Variants in OR9Q1 observed in about 807,000 individuals in gnomAD.
OR9Q1 encodes olfactory receptor family 9 subfamily Q member 1, also known as olfactory receptor 9Q1.
For synonymous variants in OR9Q1, 153 were observed against 148.6 expected, an observed-to-expected ratio of 1.03 and a Z score of -0.22; for missense variants, 374 against 378.8, an observed-to-expected ratio of 0.99 and a Z score of 0.11.
At chr11:58,106,376 G>A (rs971951654) in intron 2 of OR9Q1, among the ~76,000 whole-genome samples, 1 of 151,840 alleles carries the variant, frequency 6.6e-6, no homozygotes, top group African/African-American at 2.4e-5. Context: ...GCCGGAGTTC[G>A]ATATATATTT....
At chr11:58,167,765 G>A (rs1254764595) in intron 2 of OR9Q1, among the ~76,000 whole-genome samples, 2 of 152,116 alleles carry the variant, frequency 1.3e-5, no homozygotes, top group African/African-American at 2.4e-5. Context: ...ATCCTCCAAC[G>A]GGCTAGCCCA....
chr11:58,083,271 T>C (rs1027537482), intron 2 of OR9Q1, among the ~76,000 whole-genome samples: 5 of 152,054 alleles, frequency 3.3e-5, no homozygotes, highest in Admixed American at 2.0e-4. Context: ...TAGGGAATCC[T>C]TTCCCCATTG....
intron 1 of OR9Q1, chr11:58,030,900 T>G: frequency 1.4e-5 from 16 of 1,119,800 alleles, no homozygotes; most frequent in Non-Finnish European, 1.7e-5. Context: ...AGGTTCTCTT[T>G]GAGCTCTCAT....
In OR9Q1 at chr11:58,024,597, C is replaced by G. The variant is rs188821303; in HGVS notation, c.-93+493C>G. ...AGGGAAAATCTTGGCCAGGGAGCACCGTCTTTTGAGGACACCAAATTGGGC... is the reference window on the plus strand; with the variant it reads ...AGGGAAAATCTTGGCCAGGGAGCACGGTCTTTTGAGGACACCAAATTGGGC... On this transcript the variant is annotated intron_variant, in intron 1 of 2. Transcript: ENST00000335397. 2.6e-5 allele frequency among the ~76,000 whole-genome samples: 4 copies of G among 152,286 alleles called. No homozygotes were observed. The East Asian group carries it at 7.7e-4, about 29-fold the overall frequency.
chr11:58,069,470 C>T (rs28650443), intron 2 of OR9Q1, among the ~76,000 whole-genome samples: 19,285 of 152,076 alleles, frequency 0.13, 1,476 homozygotes, highest in South Asian at 0.19. Flanking sequence ...GGTTCCTTGC[C>T]CTGAGTACAA....
intron 2 of OR9Q1, among the ~76,000 whole-genome samples, chr11:58,087,753 C>A (rs1410413129): frequency 6.6e-6 from 1 of 150,420 alleles, no homozygotes; most frequent in Admixed American, 6.6e-5. Flanking sequence ...GTGTGAGGTT[C>A]CCCTCCCTGT....
chr11:58,127,817 A>C (rs1020688089), intron 2 of OR9Q1, among the ~76,000 whole-genome samples: 4 of 152,194 alleles, frequency 2.6e-5, no homozygotes, highest in African/African-American at 9.6e-5. Context: ...GAGAGGAAGA[A>C]AGGAAGACTG....
intron 2 of OR9Q1, among the ~76,000 whole-genome samples, chr11:58,123,483 C>T (rs1361398386): frequency 6.6e-6 from 1 of 152,172 alleles, no homozygotes; most frequent in Non-Finnish European, 1.5e-5. Flanking sequence ...TGTTGGGGTG[C>T]AGATGCAATC....
At chr11:58,103,856 T>C (rs1037502705) in intron 2 of OR9Q1, among the ~76,000 whole-genome samples, 2 of 152,186 alleles carry the variant, frequency 1.3e-5, no homozygotes, top group African/African-American at 4.8e-5. Flanking sequence ...TCTTCAGCTA[T>C]AATCCATATT....
At chr11:58,080,091 C>T (rs1004276949) in intron 2 of OR9Q1, among the ~76,000 whole-genome samples, 1 of 152,110 alleles carries the variant, frequency 6.6e-6, no homozygotes, top group Non-Finnish European at 1.5e-5. Context: ...ATATTGCACC[C>T]AGGTAGTGAG....
chr11:58,082,637 C>T (rs1853598736), intron 2 of OR9Q1, among the ~76,000 whole-genome samples: 1 of 137,262 alleles, frequency 7.3e-6, no homozygotes, highest in South Asian at 2.9e-4. Flanking sequence ...AGGAGATATA[C>T]CTAATGCTAA....
intron 2 of OR9Q1, among the ~76,000 whole-genome samples, chr11:58,173,511 C>T (rs944829165): frequency 6.6e-6 from 1 of 151,700 alleles, no homozygotes; most frequent in Non-Finnish European, 1.5e-5. Context: ...GTATATGTGC[C>T]ACATTTTCTT....
At chr11:58,060,058 G>T (rs992866219) in intron 2 of OR9Q1, 1 of 152,464 alleles carries the variant, frequency 6.6e-6, no homozygotes. Flanking sequence ...ACTTGGGGTA[G>T]GGGGAAAGTG....
chr11:58,133,763 T>C (rs1156386786), intron 2 of OR9Q1, among the ~76,000 whole-genome samples: 1 of 152,156 alleles, frequency 6.6e-6, no homozygotes, highest in African/African-American at 2.4e-5. Context: ...CTGGCAGGTG[T>C]TGGGAATGAT....
At chr11:58,166,504 C>A (rs1590624128) in intron 2 of OR9Q1, among the ~76,000 whole-genome samples, 1 of 150,076 alleles carries the variant, frequency 6.7e-6, no homozygotes, top group South Asian at 2.1e-4. Context: ...AGTATCTCTT[C>A]TTATTAAAGG....
At chr11:58,057,759 A>T (rs192563012) in intron 2 of OR9Q1, 1 of 152,320 alleles carries the variant, frequency 6.6e-6, no homozygotes, top group East Asian at 1.9e-4. Context: ...GTGCTGGACC[A>T]GCAGATTTCT....
At chr11:58,092,074 C>G (rs1853689650) in intron 2 of OR9Q1, among the ~76,000 whole-genome samples, 1 of 152,038 alleles carries the variant, frequency 6.6e-6, no homozygotes. Context: ...ATACAGCACG[C>G]CAATGGGTCT....
chr11:58,056,207 A>G (rs1168289176), intron 2 of OR9Q1, among the ~76,000 whole-genome samples: 1 of 152,214 alleles, frequency 6.6e-6, no homozygotes, highest in Non-Finnish European at 1.5e-5. Flanking sequence ...GATTGAAGCT[A>G]CCAGTGGTTT....
Position 58,138,122 on chromosome 11 carries a change from C to T in OR9Q1, c.-14-41309C>T, listed in dbSNP as rs79449731. ...TCACATGCTCTCTCTGGCTCATCAC[C>T]GTCAACTGCCATCCCCCAATCATGT... On this transcript the variant is annotated intron_variant, in intron 2 of 2. Transcript: ENST00000335397. Among the ~76,000 whole-genome samples the T allele has an allele frequency of 6.5e-3, 994 of 152,216 alleles. 7 individuals carry two copies. Among genetic ancestry groups the T allele is most frequent in the African/African-American group, 0.023 (941 of 41,522 alleles).
Sources: allele counts gnomAD v4.1 joint callset (sites outside exome capture counted in the v4.1 genomes callset), GRCh38; gene constraint gnomAD v4.1.1; transcripts MANE v1.5; gene names NCBI Gene and HGNC (gene_info 2026-07-23, HGNC 2026-07-21).